Variants in PM20D1 observed in about 807,000 individuals in gnomAD.
PM20D1 encodes the protein N-fatty-acyl-amino acid synthase/hydrolase PM20D1.
Under a neutral mutation model 53.8 loss-of-function variants are expected in PM20D1, and 53 were observed. The observed-to-expected ratio is 0.98, with a 90% CI of 0.79 to 1.24. The LOEUF (loss-of-function observed/expected upper bound fraction) is 1.24. Among genes scored for constraint, PM20D1 ranks in the 50% most tolerant of loss-of-function variants. PM20D1 has a pLI of 0.00. For missense variants in PM20D1, 564 were observed against 616.8 expected (o/e 0.91, Z 0.91); for synonymous variants, 239 against 241.3 (o/e 0.99, Z 0.09).
Position 205,845,360 on chromosome 1 carries a change from C to G in PM20D1, c.454G>C (p.Gly152Arg). 1 of 1,614,180 alleles carries G rather than the reference C, an allele frequency of 6.2e-7. No individual in the cohort carries two copies. The highest frequency in any genetic ancestry group is 2.2e-5 in the East Asian group (1 of 44,866). Residue 152 changes from glycine to arginine, a missense_variant, in exon 3 of 13, where the codon GGT becomes CGT. Coordinates refer to ENST00000367136, the MANE Select transcript of PM20D1 (RefSeq NM_152491.5). Reference protein sequence around the residue: ...SGLERDGIIYGRGTLDDKNSV... With the variant: ...SGLERDGIIYRRGTLDDKNSV... ...TTCTTGTCGTCCAGTGTGCCCCGACCATAGATGATGCCATCACGCTCCAAC... is the reference window on the plus strand; with the variant it reads ...TTCTTGTCGTCCAGTGTGCCCCGACGATAGATGATGCCATCACGCTCCAAC...
chr1:205,830,936 T>C (rs1656544193), intron 11 of PM20D1, among the ~76,000 whole-genome samples: 1 of 152,234 alleles, frequency 6.6e-6, no homozygotes, highest in Non-Finnish European at 1.5e-5. Flanking sequence ...CTTTATCACC[T>C]GACCTTTATT....
At chr1:205,845,860 A>T (rs1656945439) in intron 2 of PM20D1, among the ~76,000 whole-genome samples, 2 of 152,076 alleles carry the variant, frequency 1.3e-5, no homozygotes, top group African/African-American at 4.8e-5. Flanking sequence ...AGGCAGGTGG[A>T]TCACCTGAGG....
rs112105468 is a variant in PM20D1 at position 205,842,683 on chromosome 1, G to A, written c.896C>T (p.Ala299Val). 21 of 1,613,840 alleles carry A rather than the reference G, an allele frequency of 1.3e-5. 1 individual carries two copies. In the African/African-American group the frequency reaches 1.7e-4, roughly 13 times the overall value. Reference sequence around the variant, plus strand: ...TGATACTTCTTCCCATACCTCATTTGCCAGTTGCTGCAATACAGTCACCAC... The same window carrying A: ...TGATACTTCTTCCCATACCTCATTTACCAGTTGCTGCAATACAGTCACCAC... Reference protein sequence around the residue: ...GTVVTVLQQLANEFPFPVNII... With the variant: ...GTVVTVLQQLVNEFPFPVNII... The change falls in exon 7 of 13, where the codon GCA (alanine) becomes GTA (valine). Residue 299 changes from alanine to valine, a missense_variant. Coordinates refer to ENST00000367136, the MANE Select transcript of PM20D1 (RefSeq NM_152491.5).
rs1417266880 is a variant in PM20D1 at position 205,832,733 on chromosome 1, T to A, written c.1150A>T (p.Asn384Tyr). Residue 384 changes from asparagine to tyrosine, a missense_variant, in exon 11 of 13, where the codon AAC becomes TAC. Coordinates refer to ENST00000367136, the MANE Select transcript of PM20D1 (RefSeq NM_152491.5). The stretch of plus-strand genomic sequence containing the variant: ...CTCAACACATGGAACTGGACTCTGT[T>A]ATCAGCCACAATGTTCTTCGTGAGT... ...LELTKNIVAD[N>Y]RVQFHVLSAF... 1 of 1,610,344 alleles carries A rather than the reference T, an allele frequency of 6.2e-7. No individual in the cohort carries two copies. The highest frequency in any genetic ancestry group is 2.2e-5 in the East Asian group (1 of 44,732).
Position 205,842,137 on chromosome 1 carries a change from G to A in PM20D1, c.965+17C>T. 1 of 1,603,924 alleles carries A rather than the reference G, an allele frequency of 6.2e-7. No individual in the cohort carries two copies. Among genetic ancestry groups the A allele is most frequent in the Non-Finnish European group, 8.5e-7 (1 of 1,170,720 alleles). On this transcript the variant is annotated intron_variant, in intron 8 of 12. Coordinates refer to ENST00000367136, the MANE Select transcript of PM20D1 (RefSeq NM_152491.5). ...TTTGAGGTGAGGGATGTGAAAAAAG[G>A]AAAGATAATACTTTACCTGCTTATA...
chr1:205,843,786 C>A lies in PM20D1; in HGVS notation c.708G>T (p.Leu236Phe). 6.2e-7 allele frequency: 1 copy of A among 1,613,428 alleles called. No homozygotes were observed. The highest frequency in any genetic ancestry group is 8.5e-7 in the Non-Finnish European group (1 of 1,179,704). The change falls in exon 6 of 13, where the codon TTG (leucine) becomes TTT (phenylalanine). Residue 236 changes from leucine (L) to phenylalanine (F), a missense_variant and splice_region_variant. Leu to Phe is a conservative substitution (Grantham distance 22). Transcript: ENST00000367136. ...TGGAACCCTTCTCTGAGACTGCAAT[C>A]CTGTAGAAGAGGATCGGAAACCACT... ...FIPNFKKPIA[L>F]IAVSEKGSMN...
intron 9 of PM20D1, 122 bp downstream of exon 9, chr1:205,841,689 T>C: frequency 9.8e-7 from 1 of 1,017,046 alleles, no homozygotes; most frequent in East Asian, 2.6e-5. Context: ...TGTCTTTGCG[T>C]GGCTAGGCTT....
At chr1:205,843,941 G>T in intron 5 of PM20D1, 146 bp downstream of exon 5, 1 of 1,466,292 alleles carries the variant, frequency 6.8e-7, no homozygotes, top group Admixed American at 2.2e-5. Context: ...GGAAGGGGAA[G>T]CCTAGGAGAG....
At chr1:205,840,396 T>C in intron 9 of PM20D1, 73 bp from the exon 10 acceptor site, 2 of 1,397,506 alleles carry the variant, frequency 1.4e-6, no homozygotes, top group Non-Finnish European at 2.0e-6. Context: ...CAGGAAATGC[T>C]AATTTCCTCA....
intron 11 of PM20D1, among the ~76,000 whole-genome samples, chr1:205,831,400 A>C (rs905730618): frequency 1.3e-5 from 2 of 152,194 alleles, no homozygotes; most frequent in Non-Finnish European, 2.9e-5. Flanking sequence ...TAGAGTAGGT[A>C]GCCTTTGAGG....
chr1:205,845,292 G>A lies in PM20D1; in HGVS notation c.489+33C>T, dbSNP rs1305945478. 3.1e-6 allele frequency: 5 copies of A among 1,595,124 alleles called. No individual in the cohort carries two copies. In the Admixed American group the frequency reaches 6.7e-5, roughly 21 times the overall value. ...ACCCCCATCCTGATTGATCTTTAGGGCCCCAAGGCAGAGGGAACATTGCAT... is the reference window on the plus strand; with the variant it reads ...ACCCCCATCCTGATTGATCTTTAGGACCCCAAGGCAGAGGGAACATTGCAT... On this transcript the variant is annotated intron_variant, in intron 3 of 12. Transcript: ENST00000367136.
chr1:205,850,049 C>T lies in PM20D1; in HGVS notation c.24G>A (p.Val8=). 1.2e-6 allele frequency: 2 copies of T among 1,613,914 alleles called. No individual in the cohort carries two copies. Among genetic ancestry groups the T allele is most frequent in the Non-Finnish European group, 1.7e-6 (2 of 1,179,810 alleles). ...GGAGCAGCATAGCCACCAGGGCCAG[C>T]ACGCAAACGCACCGCTGAGCCATGC... MAQRCVC[V]LALVAMLLLV... Residue 8 remains valine (V), a synonymous_variant, in exon 1 of 13, where the codon GTG becomes GTA. Transcript: ENST00000367136.
intron 2 of PM20D1, among the ~76,000 whole-genome samples, chr1:205,847,006 C>G (rs925810030): frequency 4.5e-5 from 2 of 44,666 alleles, no homozygotes; most frequent in African/African-American, 1.8e-4. Flanking sequence ...TCCTTCCTTT[C>G]TTTTTTTTTT....
At chr1:205,842,304 C>G in intron 7 of PM20D1, 89 bp from the exon 8 acceptor site, 1 of 1,201,490 alleles carries the variant, frequency 8.3e-7, no homozygotes, top group Non-Finnish European at 1.2e-6. Flanking sequence ...TTAGAGCTGC[C>G]TCAGGGGCCC....
At chr1:205,834,628 C>G (rs1417151531) in intron 10 of PM20D1, among the ~76,000 whole-genome samples, 1 of 152,244 alleles carries the variant, frequency 6.6e-6, no homozygotes, top group Non-Finnish European at 1.5e-5. Context: ...CATATTTTCA[C>G]TCTAGCACTT....
intron 1 of PM20D1, among the ~76,000 whole-genome samples, chr1:205,848,355 A>T (rs1326517297): frequency 6.6e-6 from 1 of 152,180 alleles, no homozygotes; most frequent in Non-Finnish European, 1.5e-5. Context: ...TGCTTTGATG[A>T]ATCCAAGCTT....
chr1:205,838,703 ATATGT>A (rs1409872929), intron 10 of PM20D1, among the ~76,000 whole-genome samples: 3 of 152,182 alleles, frequency 2.0e-5, no homozygotes, highest in Non-Finnish European at 4.4e-5. Flanking sequence ...TGCCTATTTC[ATATGT>A]TATAAGCTTC....
chr1:205,840,424 T>C (rs1656780903), intron 9 of PM20D1, 101 bp from the exon 10 acceptor site: 2 of 1,069,090 alleles, frequency 1.9e-6, no homozygotes, highest in South Asian at 3.2e-5. Flanking sequence ...CAGAGTTGGC[T>C]GATTTGACTT....
chr1:205,842,575 G>C, intron 7 of PM20D1, 101 bp downstream of exon 7: 1 of 1,171,636 alleles, frequency 8.5e-7, no homozygotes, highest in South Asian at 1.3e-5. Flanking sequence ...AATAGGCAGA[G>C]TGCTGGACAG....
Sources: gnomAD v4.1 joint callset for allele counts (sites outside exome capture counted in the v4.1 genomes callset) on GRCh38, gnomAD v4.1.1 for gene constraint, MANE v1.5 for transcripts, NCBI Gene and HGNC (gene_info 2026-07-23, HGNC 2026-07-21) for gene names.